Variants in LRP2 observed in about 807,000 individuals in gnomAD.
The protein encoded by LRP2 is LDL receptor related protein 2.
A neutral mutation model predicts 531.0 loss-of-function variants in LRP2; 172 were observed. The observed-to-expected ratio is 0.32, with a 90% confidence interval of 0.29 to 0.37. The LOEUF is 0.37. Ranked by LOEUF, LRP2 falls within the 10% of genes least tolerant of loss-of-function variation. The probability of loss-of-function intolerance (pLI) is 1.00; values close to 1 mark genes in which losing one functional copy is unlikely to be tolerated. For missense variants in LRP2, 5,167 were observed against 5,868.3 expected (o/e 0.88, Z 3.90); for synonymous variants, 1,992 against 2,027.6 (o/e 0.98, Z 0.47).
chr2:169,203,103 C>T (rs996779496), intron 42 of LRP2, 144 bp from the exon 43 acceptor site: 2 of 680,234 alleles, frequency 2.9e-6, no homozygotes, highest in African/African-American at 1.8e-5. Flanking sequence ...AACCTTTTAA[C>T]TATATTCTGA....
chr2:169,262,768 A>C (rs1690619278), intron 16 of LRP2, among the ~76,000 whole-genome samples: 1 of 151,304 alleles, frequency 6.6e-6, no homozygotes, highest in Non-Finnish European at 1.5e-5. Context: ...ATGGAACCAA[A>C]AAAGAGCCCG....
rs149087832 is a variant in LRP2 at position 169,196,457 on chromosome 2, G to T, written c.8698+454C>A. The stretch of plus-strand genomic sequence containing the variant: ...AACCAAAGGCTCCTGCAACTTCTTG[G>T]GCCTCTTGTGCTCATAAACTGGCAC... On this transcript the variant is annotated intron_variant, in intron 46 of 78. Transcript: ENST00000649046. 3.3e-5 allele frequency among the ~76,000 whole-genome samples: 5 copies of T among 152,232 alleles called. No individual in the cohort carries two copies. In the East Asian group the frequency reaches 9.6e-4, roughly 29 times the overall value.
intron 16 of LRP2, among the ~76,000 whole-genome samples, chr2:169,269,553 T>G (rs74624697): frequency 0.95 from 144,259 of 152,244 alleles, 68,829 homozygotes; most frequent in East Asian, 1. Context: ...CTAGCCATAT[T>G]TAGAAAGCTG....
At position 169,320,877 on chromosome 2, in the gene LRP2, G is replaced by A. The variant is rs1431593426; in HGVS notation, c.87C>T (p.Asp29=). ...CACTTCCACAGCGAAAATGCGCACT[G>A]TCACATTCTGCAATAATAGACAGAA... ...CLAPASGQEC[D]SAHFRCGSGH... Residue 29 remains aspartate (D), a synonymous_variant, in exon 2 of 79, where the codon GAC becomes GAT. Coordinates refer to ENST00000649046, the MANE Select transcript of LRP2 (RefSeq NM_004525.3). 6.2e-7 allele frequency: 1 copy of A among 1,610,298 alleles called. No homozygotes were observed.
chr2:169,260,248 A>G (rs1406625890), intron 16 of LRP2, among the ~76,000 whole-genome samples: 2 of 152,140 alleles, frequency 1.3e-5, no homozygotes, highest in African/African-American at 4.8e-5. Context: ...AAGAGTAATG[A>G]GTGCTGAGAT....
At chr2:169,130,459 T>C (rs899111204) in intron 77 of LRP2, among the ~76,000 whole-genome samples, 3 of 152,144 alleles carry the variant, frequency 2.0e-5, no homozygotes, top group Non-Finnish European at 2.9e-5. Context: ...AGCTAATTTT[T>C]GCATTTTTAG....
Position 169,206,350 on chromosome 2 carries a change from G to C in LRP2, c.7370C>G (p.Thr2457Ser), listed in dbSNP as rs1397837827. Residue 2457 changes from threonine (T) to serine (S), a missense_variant, in exon 39 of 79, where the codon ACT becomes AGT. Transcript: ENST00000649046. ...CTTACCTGAAGCAATGACAGTTGGA[G>C]TATGGATCCCTGAAGACAGGGTGGC... The part of the protein sequence containing the change: ...SYATLSSGIH[T>S]PTVIASGIGT... The C allele has an allele frequency of 6.2e-7, 1 of 1,614,112 alleles. No homozygotes were observed. Among genetic ancestry groups the C allele is most frequent in the Non-Finnish European group, 8.5e-7 (1 of 1,180,022 alleles).
At chr2:169,348,097 G>T (rs960098636) in intron 1 of LRP2, among the ~76,000 whole-genome samples, 1 of 152,106 alleles carries the variant, frequency 6.6e-6, no homozygotes, top group Non-Finnish European at 1.5e-5. Flanking sequence ...TCATTGTCTT[G>T]GTCCTTTATC....
intron 1 of LRP2, among the ~76,000 whole-genome samples, chr2:169,340,821 A>T (rs958871188): frequency 6.6e-5 from 10 of 151,918 alleles, no homozygotes; most frequent in Admixed American, 5.9e-4. Flanking sequence ...CATGCCTATT[A>T]CCTCCCCACC....
intron 11 of LRP2, 25 bp from the exon 12 acceptor site, chr2:169,279,620 T>C (rs1406742117): frequency 7.0e-7 from 1 of 1,434,602 alleles, no homozygotes; most frequent in Admixed American, 1.7e-5. Flanking sequence ...AAAATTATTA[T>C]ATTTCTTCAG....
At chr2:169,314,097 AC>A (rs1183905288) in intron 3 of LRP2, among the ~76,000 whole-genome samples, 1 of 152,102 alleles carries the variant, frequency 6.6e-6, no homozygotes, top group African/African-American at 2.4e-5. Flanking sequence ...AACATGAAAA[AC>A]CTTTTCAAAC....
intron 76 of LRP2, among the ~76,000 whole-genome samples, chr2:169,137,004 T>C (rs1685539283): frequency 6.6e-6 from 1 of 152,212 alleles, no homozygotes. Context: ...CCCAAATTCC[T>C]GTATAGTGAC....
At chr2:169,254,292 A>G (rs1490991534) in intron 19 of LRP2, among the ~76,000 whole-genome samples, 1 of 82,768 alleles carries the variant, frequency 1.2e-5, no homozygotes, top group African/African-American at 6.4e-5. Context: ...GCACATATAC[A>G]CCATGGAATA....
At chr2:169,268,149 C>G (rs147431936) in intron 16 of LRP2, among the ~76,000 whole-genome samples, 4 of 152,036 alleles carry the variant, frequency 2.6e-5, no homozygotes, top group South Asian at 2.1e-4. Context: ...CAGGACCAGA[C>G]GGATTCACAG....
In LRP2 at chr2:169,275,147, T is replaced by C. The variant is rs1475191077; in HGVS notation, c.1864A>G (p.Met622Val). The C allele has an allele frequency of 6.2e-7, 1 of 1,613,800 alleles. No homozygotes were observed. The highest frequency in any genetic ancestry group is 8.5e-7 in the Non-Finnish European group (1 of 1,179,856). The change falls in exon 14 of 79, where the codon ATG (methionine) becomes GTG (valine). Residue 622 changes from methionine (M) to valine (V), a missense_variant. By Grantham distance (21) the Met-to-Val change is conservative. Around this residue, in one of 6 missense-constraint regions of LRP2, gnomAD observed 2,811 missense variants for 3,058.0 expected, o/e 0.92. Coordinates refer to ENST00000649046, the MANE Select transcript of LRP2 (RefSeq NM_004525.3). ...AACTTGTTTGCCTTCAGCACGGCCA[T>C]CTTTGTCCAATCTGTAAAGAACACC... ...GQVFFTDWTK[M>V]AVLKANKFTE...
intron 1 of LRP2, among the ~76,000 whole-genome samples, chr2:169,322,138 T>G (rs2105518273): frequency 6.6e-6 from 1 of 152,348 alleles, no homozygotes; most frequent in South Asian, 2.1e-4. Flanking sequence ...CCCATTTCAA[T>G]TTTTGGCTAA....
chr2:169,284,270 T>C (rs1453465719), intron 9 of LRP2, among the ~76,000 whole-genome samples: 3 of 130,000 alleles, frequency 2.3e-5, no homozygotes, highest in African/African-American at 8.7e-5. Context: ...TTTTTTTTTT[T>C]TTTTTTTTTT....
intron 45 of LRP2, among the ~76,000 whole-genome samples, chr2:169,198,023 T>C (rs1688062896): frequency 6.6e-6 from 1 of 152,200 alleles, no homozygotes; most frequent in African/African-American, 2.4e-5. Context: ...CCTTTTAATT[T>C]GAGCTATAAA....
intron 64 of LRP2, among the ~76,000 whole-genome samples, chr2:169,156,700 T>C (rs1686343563): frequency 1.3e-5 from 2 of 152,344 alleles, no homozygotes; most frequent in African/African-American, 4.8e-5. Flanking sequence ...GACTCTGCAA[T>C]AGCAGAGCAC....
Sources: allele counts gnomAD v4.1 joint callset (sites outside exome capture counted in the v4.1 genomes callset), GRCh38; gene constraint gnomAD v4.1.1; regional missense constraint gnomAD v4.1.1; transcripts MANE v1.5; gene names NCBI Gene and HGNC (gene_info 2026-07-23, HGNC 2026-07-21).